DLG2: variants seen among roughly 807,000 people sequenced by gnomAD.
DLG2 encodes the protein discs large MAGUK scaffold protein 2, also known as disks large homolog 2.
Under a neutral mutation model 132.5 loss-of-function variants are expected in DLG2, and 45 were observed. That is an observed-to-expected ratio of 0.34 (90% CI 0.27 to 0.44). The LOEUF (loss-of-function observed/expected upper bound fraction) is 0.44, where lower values mean the gene tolerates loss of function less well. Among genes scored for constraint, DLG2 ranks in the 20% least tolerant of loss-of-function variants. DLG2 has a pLI of 1.00. For synonymous variants in DLG2, 424 were observed against 419.6 expected (o/e 1.01, Z -0.13); for missense variants, 1,045 against 1,196.9 (o/e 0.87, Z 1.87).
intron 4 of DLG2, among the ~76,000 whole-genome samples, chr11:85,158,993 G>C (rs937751744): frequency 5.3e-5 from 8 of 152,088 alleles, no homozygotes; most frequent in African/African-American, 9.7e-5. Flanking sequence ...GGGGAGACCA[G>C]GTCCCCTTGA....
chr11:83,600,514 G>A (rs773724300), intron 19 of DLG2, among the ~76,000 whole-genome samples: 29 of 152,088 alleles, frequency 1.9e-4, no homozygotes, highest in Non-Finnish European at 3.4e-4. Flanking sequence ...GATTACTATC[G>A]TAGCTACATA....
At chr11:85,200,834 C>T (rs562250210) in intron 4 of DLG2, among the ~76,000 whole-genome samples, 1 of 152,090 alleles carries the variant, frequency 6.6e-6, no homozygotes, top group African/African-American at 2.4e-5. Flanking sequence ...GGGAAACTAT[C>T]CTGTTTGTGC....
chr11:84,870,116 T>C (rs2085243205), intron 6 of DLG2, among the ~76,000 whole-genome samples: 1 of 152,222 alleles, frequency 6.6e-6, no homozygotes, highest in Admixed American at 6.5e-5. Context: ...TTCAATGTTG[T>C]ACATGCAAAG....
At chr11:83,728,959 CT>C (rs1474574350) in intron 18 of DLG2, among the ~76,000 whole-genome samples, 6 of 151,994 alleles carry the variant, frequency 3.9e-5, no homozygotes, top group Non-Finnish European at 7.4e-5. Context: ...TTTCTTTTTT[CT>C]TTTTAAAATT....
chr11:83,994,285 T>A (rs2093897522), intron 11 of DLG2, among the ~76,000 whole-genome samples: 1 of 152,202 alleles, frequency 6.6e-6, no homozygotes, highest in Non-Finnish European at 1.5e-5. Context: ...GTTGTAGGAA[T>A]ATCTCATTCC....
chr11:85,624,473 T>A (rs2081932478), intron 2 of DLG2, among the ~76,000 whole-genome samples: 1 of 152,236 alleles, frequency 6.6e-6, no homozygotes, highest in Admixed American at 6.5e-5. Context: ...TCTAGCTTTT[T>A]CGTCATGTCT....
intron 7 of DLG2, among the ~76,000 whole-genome samples, chr11:84,444,540 T>C (rs1315326625): frequency 6.6e-6 from 1 of 152,206 alleles, no homozygotes; most frequent in Non-Finnish European, 1.5e-5. Flanking sequence ...GCTTTTCCTT[T>C]TCCTTACTGA....
intron 7 of DLG2, among the ~76,000 whole-genome samples, chr11:84,288,203 T>C (rs959373505): frequency 6.6e-6 from 1 of 152,022 alleles, no homozygotes; most frequent in African/African-American, 2.4e-5. Context: ...TCATAAATTG[T>C]GAATAATAAT....
At chr11:83,780,270 A>T (rs1241874098) in intron 18 of DLG2, among the ~76,000 whole-genome samples, 1 of 152,200 alleles carries the variant, frequency 6.6e-6, no homozygotes, top group African/African-American at 2.4e-5. Context: ...TAAATTGCAT[A>T]TTCATGTCAA....
Position 84,590,549 on chromosome 11 carries a change from A to G in DLG2, c.358-55818T>C, listed in dbSNP as rs189817516. Among the ~76,000 whole-genome samples, 291 of 152,270 alleles carry G rather than the reference A, an allele frequency of 1.9e-3. 4 individuals are homozygous for G. The highest frequency in any genetic ancestry group is 6.7e-3 in the African/African-American group (277 of 41,542). On this transcript the variant is annotated intron_variant, in intron 6 of 27. Coordinates refer to ENST00000376104, the MANE Select transcript of DLG2 (RefSeq NM_001142699.3). Reference sequence around the variant, plus strand: ...AAACTGTAAATTACATCTTGTAAATATTTACTTTCTATCTTCTAGGGGTGA... The same window carrying G: ...AAACTGTAAATTACATCTTGTAAATGTTTACTTTCTATCTTCTAGGGGTGA...
At chr11:83,676,095 C>T (rs180734885) in intron 18 of DLG2, among the ~76,000 whole-genome samples, 10 of 152,276 alleles carry the variant, frequency 6.6e-5, no homozygotes, top group African/African-American at 2.4e-4. Flanking sequence ...GGGAGACTGT[C>T]TTTATCCTAC....
At chr11:84,215,348 A>G (rs1391573603) in intron 8 of DLG2, among the ~76,000 whole-genome samples, 1 of 152,136 alleles carries the variant, frequency 6.6e-6, no homozygotes, top group African/African-American at 2.4e-5. Context: ...AAGAGCGTGT[A>G]TCTGTTTCTG....
chr11:83,475,024 A>ACTGGTT (rs1265824796), intron 22 of DLG2, among the ~76,000 whole-genome samples: 1 of 152,124 alleles, frequency 6.6e-6, no homozygotes, highest in Non-Finnish European at 1.5e-5. Context: ...TATGAAAGGC[A>ACTGGTT]CTGGTTCTGG....
intron 7 of DLG2, among the ~76,000 whole-genome samples, chr11:84,343,727 TA>T (rs1247497623): frequency 1.1e-4 from 16 of 152,214 alleles, no homozygotes; most frequent in African/African-American, 3.6e-4. Flanking sequence ...TAAAGCATGG[TA>T]AAATATAGAA....
chr11:83,471,882 A>G (rs1477608062), intron 23 of DLG2, among the ~76,000 whole-genome samples, 155 bp from the exon 24 acceptor site: 2 of 152,168 alleles, frequency 1.3e-5, no homozygotes, highest in African/African-American at 2.4e-5. Context: ...GCATAGGGAA[A>G]TTGATGTTTA....
At chr11:85,614,640 C>A (rs1490601266) in intron 2 of DLG2, among the ~76,000 whole-genome samples, 8 of 152,030 alleles carry the variant, frequency 5.3e-5, no homozygotes, top group Non-Finnish European at 1.0e-4. Flanking sequence ...AACTCCATCT[C>A]CAAATAAATA....
chr11:85,553,847 C>T lies in DLG2; in HGVS notation c.40+44810G>A, dbSNP rs11234361. ...AAATTTCCACATAAAAATTATGTTA[C>T]ATTCAGCATCTTCTGCTTGCTAAAA... On this transcript the variant is annotated intron_variant, in intron 3 of 27. Coordinates refer to ENST00000376104, the MANE Select transcript of DLG2 (RefSeq NM_001142699.3). Among the ~76,000 whole-genome samples the T allele has an allele frequency of 6.0e-3, 899 of 151,020 alleles. 10 individuals are homozygous for T. The highest frequency in any genetic ancestry group is 8.8e-3 in the Non-Finnish European group (597 of 67,582).
intron 19 of DLG2, among the ~76,000 whole-genome samples, chr11:83,619,512 C>A (rs964748498): frequency 6.6e-6 from 1 of 152,110 alleles, no homozygotes. Context: ...AGCTATCTAA[C>A]CTTGGTTTCA....
chr11:83,804,458 T>C (rs145688769), intron 17 of DLG2, among the ~76,000 whole-genome samples: 1 of 152,004 alleles, frequency 6.6e-6, no homozygotes, highest in Non-Finnish European at 1.5e-5. Flanking sequence ...ATAGAAAACT[T>C]GAAGAACATT....
Sources: gnomAD v4.1 joint callset for allele counts (sites outside exome capture counted in the v4.1 genomes callset) on GRCh38, gnomAD v4.1.1 for gene constraint, MANE v1.5 for transcripts, NCBI Gene and HGNC (gene_info 2026-07-23, HGNC 2026-07-21) for gene names.